PRKN: variants seen among roughly 807,000 people sequenced by gnomAD.
The protein encoded by PRKN is E3 ubiquitin-protein ligase parkin.
Under a neutral mutation model 59.5 loss-of-function variants are expected in PRKN, and 56 were observed. The ratio of observed to expected loss-of-function variants is 0.94; its 90% CI spans 0.76 to 1.18. The LOEUF is 1.18. PRKN is among the 50% of genes most tolerant of loss of function. The pLI is 0.00. For missense variants in PRKN, 657 were observed against 596.4 expected (o/e 1.10, Z -1.06); for synonymous variants, 250 against 222.1 (o/e 1.13, Z -1.12).
intron 4 of PRKN, among the ~76,000 whole-genome samples, chr6:162,058,532 T>A (rs1777960459): frequency 6.6e-6 from 1 of 152,190 alleles, no homozygotes; most frequent in African/African-American, 2.4e-5. Context: ...TTAAAAGAAA[T>A]CCATTTCGCT....
At chr6:162,226,368 C>T (rs983320063) in intron 3 of PRKN, among the ~76,000 whole-genome samples, 2 of 152,198 alleles carry the variant, frequency 1.3e-5, no homozygotes, top group South Asian at 2.1e-4. Flanking sequence ...GATAGGGGCC[C>T]TAGGGCTCCT....
chr6:162,659,341 T>C (rs1405796212), intron 1 of PRKN, among the ~76,000 whole-genome samples: 1 of 152,120 alleles, frequency 6.6e-6, no homozygotes, highest in East Asian at 1.9e-4. Flanking sequence ...CATTGTAAGC[T>C]ACTTTTCTAT....
At chr6:162,346,523 T>C (rs1368171655) in intron 2 of PRKN, among the ~76,000 whole-genome samples, 1 of 151,238 alleles carries the variant, frequency 6.6e-6, no homozygotes, top group Non-Finnish European at 1.5e-5. Flanking sequence ...TGGGAGGCTA[T>C]GGTGGGAAGA....
intron 10 of PRKN, among the ~76,000 whole-genome samples, chr6:161,381,825 T>C (rs914492944): frequency 6.6e-6 from 1 of 152,042 alleles, no homozygotes; most frequent in South Asian, 2.1e-4. Flanking sequence ...AAGCCCAGAC[T>C]TTTTAGGCCG....
chr6:161,384,794 C>G (rs1786154670), intron 10 of PRKN, among the ~76,000 whole-genome samples: 1 of 152,190 alleles, frequency 6.6e-6, no homozygotes, highest in Non-Finnish European at 1.5e-5. Flanking sequence ...CCAGGGAAAC[C>G]TGGAAGTGTT....
chr6:162,501,096 A>G (rs1793344772), intron 1 of PRKN, among the ~76,000 whole-genome samples: 2 of 152,078 alleles, frequency 1.3e-5, no homozygotes, highest in African/African-American at 2.4e-5. Context: ...TGAATCCAGG[A>G]GTTCAAACTA....
chr6:161,503,022 T>C lies in PRKN; in HGVS notation c.1083+45832A>G, dbSNP rs892703930. ...ATCCAATGTTAAGCACCATGTCTGATAGAAACTTCTTAATATGTTGGAAAT... is the reference window on the plus strand; with the variant it reads ...ATCCAATGTTAAGCACCATGTCTGACAGAAACTTCTTAATATGTTGGAAAT... On this transcript the variant is annotated intron_variant, in intron 9 of 11. Coordinates refer to ENST00000366898, the MANE Select transcript of PRKN (RefSeq NM_004562.3). The surrounding 1 kb of genome is among the most constrained non-coding windows in gnomAD (Gnocchi z 5.1). Among the ~76,000 whole-genome samples the C allele has an allele frequency of 6.6e-6, 1 of 152,202 alleles. No homozygotes were observed. Among genetic ancestry groups the C allele is most frequent in the Non-Finnish European group, 1.5e-5 (1 of 68,038 alleles).
chr6:162,520,405 C>A (rs1379387908), intron 1 of PRKN, among the ~76,000 whole-genome samples: 3 of 152,076 alleles, frequency 2.0e-5, no homozygotes, highest in Non-Finnish European at 4.4e-5. Flanking sequence ...AAACATTTTT[C>A]TTTTGCTGTT....
At chr6:162,117,471 A>G (rs1163572693) in intron 4 of PRKN, among the ~76,000 whole-genome samples, 1 of 152,222 alleles carries the variant, frequency 6.6e-6, no homozygotes, top group Non-Finnish European at 1.5e-5. Context: ...ACTGCGAGAA[A>G]GACCTATGCA....
At chr6:161,481,604 AAAAACAAAAAAAC>A (rs1791402728) in intron 9 of PRKN, among the ~76,000 whole-genome samples, 1 of 152,142 alleles carries the variant, frequency 6.6e-6, no homozygotes. Flanking sequence ...CTCCATCTCA[AAAAACAAAAAAAC>A]AAAACAAACA....
chr6:162,283,178 C>T (rs1358731705), intron 2 of PRKN, among the ~76,000 whole-genome samples: 2 of 152,180 alleles, frequency 1.3e-5, no homozygotes, highest in Non-Finnish European at 2.9e-5. Flanking sequence ...TCATTTTACA[C>T]ACAGTTATTT....
At chr6:161,838,686 C>T (rs550387880) in intron 6 of PRKN, among the ~76,000 whole-genome samples, 46 of 152,312 alleles carry the variant, frequency 3.0e-4, no homozygotes, top group African/African-American at 1.1e-3. Context: ...AGGAACTGTC[C>T]CCGTCCCACT....
At chr6:161,506,023 C>G (rs1485884150) in intron 9 of PRKN, among the ~76,000 whole-genome samples, 1 of 151,672 alleles carries the variant, frequency 6.6e-6, no homozygotes, top group African/African-American at 2.4e-5. Context: ...TTTTTTGGTT[C>G]CATATGAACT....
chr6:162,710,861 G>A (rs760482882), intron 1 of PRKN, among the ~76,000 whole-genome samples: 14 of 152,194 alleles, frequency 9.2e-5, no homozygotes, highest in Non-Finnish European at 1.3e-4. Context: ...TCCCTAAAGA[G>A]GTGGGAAGGG....
At chr6:162,627,704 G>T (rs1160402550) in intron 1 of PRKN, among the ~76,000 whole-genome samples, 1 of 152,120 alleles carries the variant, frequency 6.6e-6, no homozygotes, top group East Asian at 1.9e-4. Context: ...TAGGTGGAGA[G>T]ACACAAGAAT....
In PRKN at chr6:161,470,573, C is replaced by A. The variant is rs1358477322; in HGVS notation, c.1083+78281G>T. Among the ~76,000 whole-genome samples, 1 of 152,212 alleles carries A rather than the reference C, an allele frequency of 6.6e-6. No individual in the cohort carries two copies. The highest frequency in any genetic ancestry group is 1.5e-5 in the Non-Finnish European group (1 of 68,036). On this transcript the variant is annotated intron_variant, in intron 9 of 11. Coordinates refer to ENST00000366898, the MANE Select transcript of PRKN (RefSeq NM_004562.3). The surrounding 1 kb of genome is among the most constrained non-coding windows in gnomAD (Gnocchi z 5.1). The stretch of plus-strand genomic sequence containing the variant: ...TTCTGCCCTGGCCCTCCTCTGGCCA[C>A]ACCCCTCTTCCTGGAGCAAAGAGTC...
intron 1 of PRKN, among the ~76,000 whole-genome samples, chr6:162,585,587 C>A (rs1781011362): frequency 6.6e-6 from 1 of 152,128 alleles, no homozygotes; most frequent in Non-Finnish European, 1.5e-5. Context: ...TACATGCGTA[C>A]ATATGAATGA....
In PRKN at chr6:161,459,958, C is replaced by T. The variant is rs560289951; in HGVS notation, c.1084-73081G>A. Among the ~76,000 whole-genome samples, 4 of 151,920 alleles carry T rather than the reference C, an allele frequency of 2.6e-5. No homozygotes were observed. Among genetic ancestry groups the T allele is most frequent in the Admixed American group, 2.6e-4 (4 of 15,266 alleles). On this transcript the variant is annotated intron_variant, in intron 9 of 11. Transcript: ENST00000366898. The surrounding 1 kb of genome is among the most constrained non-coding windows in gnomAD (Gnocchi z 4.8). Reference sequence around the variant, plus strand: ...GTTGATATTTTGTAAAAAAAAAAATCTATTTATCCATCAAATCACATATGC... The same window carrying T: ...GTTGATATTTTGTAAAAAAAAAAATTTATTTATCCATCAAATCACATATGC...
chr6:162,572,306 C>T (rs984173123), intron 1 of PRKN, among the ~76,000 whole-genome samples: 4 of 152,154 alleles, frequency 2.6e-5, no homozygotes, highest in Non-Finnish European at 5.9e-5. Context: ...TGCTTCCATA[C>T]TGCTACAGAA....
Sources: gnomAD v4.1 joint callset for allele counts (sites outside exome capture counted in the v4.1 genomes callset) on GRCh38, gnomAD v4.1.1 for gene constraint, Gnocchi (gnomAD v3.1) non-coding constraint, MANE v1.5 for transcripts, NCBI Gene and HGNC (gene_info 2026-07-23, HGNC 2026-07-21) for gene names.